The following WDR83 variants were observed in gnomAD, a reference collection of about 807,000 sequenced individuals.
The protein encoded by WDR83 is WD repeat domain 83, also known as WD repeat domain-containing protein 83.
Under a neutral mutation model 37.7 loss-of-function variants are expected in WDR83, and 37 were observed. The observed-to-expected ratio is 0.98, with a 90% CI of 0.76 to 1.29. The LOEUF (loss-of-function observed/expected upper bound fraction) is 1.29, where lower values mean the gene tolerates loss of function less well. WDR83 is among the 50% of genes most tolerant of loss of function. The pLI is 0.00. For synonymous variants in WDR83, 174 were observed against 181.1 expected (o/e 0.96, Z 0.31); for missense variants, 445 against 414.4 (o/e 1.07, Z -0.64).
intron 2 of WDR83, 33 bp from the exon 3 acceptor site, chr19:12,669,722 G>A: frequency 6.9e-7 from 1 of 1,450,392 alleles, no homozygotes; most frequent in East Asian, 2.3e-5. Flanking sequence ...ACACCCAAGC[G>A]TGGGTTTCTA....
intron 2 of WDR83, 25 bp from the exon 3 acceptor site, chr19:12,669,730 C>G (rs759810543): frequency 1.9e-5 from 29 of 1,509,604 alleles, no homozygotes; most frequent in Non-Finnish European, 2.3e-5. Flanking sequence ...GCGTGGGTTT[C>G]TAAGGCGCGG....
intron 10 of WDR83, 21 bp downstream of exon 10, chr19:12,673,337 C>T: frequency 1.9e-6 from 3 of 1,570,278 alleles, no homozygotes; most frequent in African/African-American, 1.4e-5. Context: ...CCCAGCCCTA[C>T]TTCATACCTA....
At chr19:12,670,924 C>T (rs1305447860) in intron 7 of WDR83, 103 bp downstream of exon 7, 8 of 1,493,998 alleles carry the variant, frequency 5.4e-6, no homozygotes, top group Non-Finnish European at 7.2e-6. Flanking sequence ...CAGTGGCACA[C>T]AGCTGTAATC....
intron 7 of WDR83, chr19:12,672,621 GA>G: frequency 1.8e-6 from 1 of 569,782 alleles, no homozygotes; most frequent in Non-Finnish European, 3.2e-6. Context: ...ACAAAAGGAA[GA>G]AAAGGGGGAA....
intron 7 of WDR83, among the ~76,000 whole-genome samples, chr19:12,671,978 G>A (rs559946344): frequency 2.0e-5 from 3 of 152,190 alleles, no homozygotes; most frequent in Non-Finnish European, 4.4e-5. Context: ...TCACAGGCGT[G>A]AGCCACCGCG....
At chr19:12,668,243 CG>C (rs1408218040) in intron 1 of WDR83, 2 of 1,107,258 alleles carry the variant, frequency 1.8e-6, no homozygotes, top group Non-Finnish European at 2.6e-6. Flanking sequence ...CTGGGGGCAC[CG>C]AGACGGCCTC....
In WDR83 at chr19:12,669,899, C is replaced by T. The variant is rs116778851; in HGVS notation, c.103+6C>T. The T allele has an allele frequency of 2.0e-3, 3,233 of 1,603,658 alleles. 46 individuals are homozygous for T. In the African/African-American group the frequency reaches 0.037, roughly 18 times the overall value. ...GCGAGCCGTACGATTTAATGGTGAG[C>T]GCCTTCGTCTTCATTCCGGGTCCTC... On this transcript the variant is annotated splice_donor_region_variant and intron_variant, in intron 3 of 10. Coordinates refer to ENST00000418543, the MANE Select transcript of WDR83 (RefSeq NM_001099737.3).
At chr19:12,673,392 G>T in intron 10 of WDR83, 76 bp downstream of exon 10, 1 of 825,266 alleles carries the variant, frequency 1.2e-6, no homozygotes, top group Non-Finnish European at 2.0e-6. Context: ...AGTCACTCCA[G>T]GGCCTGAAGG....
chr19:12,669,942 C>T (rs2024361116), intron 3 of WDR83, 35 bp from the exon 4 acceptor site: 2 of 1,602,282 alleles, frequency 1.2e-6, no homozygotes, highest in Non-Finnish European at 8.5e-7. Context: ...CTCCTGAGAT[C>T]GACGGCCCAG....
At chr19:12,672,751 C>G in intron 7 of WDR83, 96 bp from the exon 8 acceptor site, 1 of 1,285,448 alleles carries the variant, frequency 7.8e-7, no homozygotes, top group Non-Finnish European at 1.1e-6. Flanking sequence ...CTCCTGTGCA[C>G]TGGAAGAGCA....
chr19:12,670,769 GC>G lies in WDR83; in HGVS notation c.456del (p.Arg153GlufsTer7). The G allele has an allele frequency of 6.2e-7, 1 of 1,614,216 alleles. No individual in the cohort carries two copies. Among genetic ancestry groups the G allele is most frequent in the Non-Finnish European group, 8.5e-7 (1 of 1,180,038 alleles). ...RPEPVQTLDE[A>X]RDGVSSVKVS... is the part of the protein sequence containing the mutation. Reference sequence around the variant, plus strand: ...TGAGCCAGTGCAGACGCTGGATGAGGCCAGAGATGGCGTGTCCAGTGTGAAG... The same window carrying G: ...TGAGCCAGTGCAGACGCTGGATGAGGCAGAGATGGCGTGTCCAGTGTGAAG... On this transcript the variant is annotated frameshift_variant, in exon 7 of 11. Transcript: ENST00000418543. LOFTEE classifies it high-confidence loss of function.
At chr19:12,670,911 G>C (rs2024396534) in intron 7 of WDR83, 90 bp downstream of exon 7, 1 of 1,518,388 alleles carries the variant, frequency 6.6e-7, no homozygotes, top group Non-Finnish European at 8.9e-7. Flanking sequence ...TCTCAGCTGG[G>C]CACAGTGGCA....
chr19:12,672,617 GGAA>G (rs1599370888), intron 7 of WDR83: 2 of 563,346 alleles, frequency 3.6e-6, no homozygotes, highest in East Asian at 5.9e-5. Flanking sequence ...TCAAACAAAA[GGAA>G]GAAAAGGGGG....
intron 7 of WDR83, 123 bp downstream of exon 7, chr19:12,670,944 T>A: frequency 6.9e-7 from 1 of 1,440,496 alleles, no homozygotes; most frequent in South Asian, 1.3e-5. Flanking sequence ...CCCAGCTACT[T>A]GGGAGGCTGA....
At chr19:12,668,718 G>T in intron 2 of WDR83, 91 bp downstream of exon 2, 2 of 1,001,084 alleles carry the variant, frequency 2.0e-6, no homozygotes, top group Admixed American at 2.0e-5. Flanking sequence ...GATTCCATCT[G>T]ATGCAGCTGG....
intron 7 of WDR83, 36 bp downstream of exon 7, chr19:12,670,857 C>T: frequency 6.3e-7 from 1 of 1,597,184 alleles, no homozygotes; most frequent in Non-Finnish European, 8.5e-7. Flanking sequence ...ACCCCAGGTG[C>T]TACGGGGAAT....
intron 2 of WDR83, chr19:12,669,037 G>T: frequency 1.5e-6 from 2 of 1,335,974 alleles, no homozygotes; most frequent in Non-Finnish European, 2.1e-6. Context: ...CGCCCCATCA[G>T]CAATGACAAG....
chr19:12,673,345 C>A (rs1217844115), intron 10 of WDR83, 29 bp downstream of exon 10: 1 of 1,571,890 alleles, frequency 6.4e-7, no homozygotes, highest in Non-Finnish European at 8.7e-7. Context: ...TACTTCATAC[C>A]TAGATGCCTG....
chr19:12,675,657 G>A lies in WDR83; in HGVS notation c.933G>A (p.Glu311=), dbSNP rs1172649213. ...GGCGAGAGGAGGCCTATGAGGCAGA[G>A]GATGGAGCAGGCTGAAGCCAGGGGA... ...QCWREEAYEA[E]DGAG Residue 311 remains glutamate (E), a synonymous_variant, in exon 11 of 11, where the codon GAG becomes GAA. Coordinates refer to ENST00000418543, the MANE Select transcript of WDR83 (RefSeq NM_001099737.3). 6.2e-7 allele frequency: 1 copy of A among 1,601,010 alleles called. No individual in the cohort carries two copies. Among genetic ancestry groups the A allele is most frequent in the Non-Finnish European group, 8.5e-7 (1 of 1,179,558 alleles).
Sources: allele counts gnomAD v4.1 joint callset (sites outside exome capture counted in the v4.1 genomes callset), GRCh38; gene constraint gnomAD v4.1.1; transcripts MANE v1.5; gene names NCBI Gene and HGNC (gene_info 2026-07-23, HGNC 2026-07-21).